Variants in TRMT11 observed in about 807,000 individuals in gnomAD.
TRMT11 encodes the protein tRNA methyltransferase 11.
TRMT11 carries 53 observed loss-of-function variants against 62.8 expected under a neutral mutation model. The ratio of observed to expected loss-of-function variants is 0.84; its 90% CI spans 0.68 to 1.06. The LOEUF (loss-of-function observed/expected upper bound fraction) is 1.06, where lower values mean the gene tolerates loss of function less well. Among genes scored for constraint, TRMT11 ranks in the 50% least tolerant of loss-of-function variants. The probability of loss-of-function intolerance (pLI) is 0.00; values close to 1 mark genes in which losing one functional copy is unlikely to be tolerated. For synonymous variants in TRMT11, 188 were observed against 190.3 expected, an observed-to-expected ratio of 0.99 and a Z score of 0.10; for missense variants, 556 against 553.4, an observed-to-expected ratio of 1.00 and a Z score of -0.05.
At chr6:126,125,637 T>C (rs1777708817) in intron 21 of TRMT11, among the ~76,000 whole-genome samples, 1 of 152,104 alleles carries the variant, frequency 6.6e-6, no homozygotes, top group Admixed American at 6.6e-5. Context: ...AAGGAACTTA[T>C]GATATAGTGG....
chr6:125,999,973 CA>C (rs1279972473), intron 7 of TRMT11, among the ~76,000 whole-genome samples: 2 of 151,794 alleles, frequency 1.3e-5, no homozygotes, highest in Non-Finnish European at 2.9e-5. Context: ...ATGACAAGAT[CA>C]AAAAAATGTA....
intron 17 of TRMT11, among the ~76,000 whole-genome samples, chr6:126,082,700 A>G (rs1348016800): frequency 6.6e-6 from 1 of 152,196 alleles, no homozygotes; most frequent in Non-Finnish European, 1.5e-5. Flanking sequence ...TCAAATTTAT[A>G]AAAGGGACTT....
At chr6:126,100,447 C>T (rs1010372704) in intron 17 of TRMT11, among the ~76,000 whole-genome samples, 2 of 152,074 alleles carry the variant, frequency 1.3e-5, no homozygotes, top group Non-Finnish European at 2.9e-5. Context: ...ATTCTTAGCT[C>T]GTTATTGTGT....
chr6:126,051,803 T>C (rs1241568189), intron 16 of TRMT11, among the ~76,000 whole-genome samples: 2 of 152,086 alleles, frequency 1.3e-5, no homozygotes, highest in Non-Finnish European at 2.9e-5. Context: ...GAGGAGCCTA[T>C]GGTACAAGCA....
At chr6:126,180,920 A>G (rs536983859) in intron 1 of TRMT11, among the ~76,000 whole-genome samples, 1 of 152,348 alleles carries the variant, frequency 6.6e-6, no homozygotes, top group South Asian at 2.1e-4. Context: ...CCTGAGCAGT[A>G]AAATCTTTTG....
In TRMT11 at chr6:126,132,363, T is replaced by G. The variant is rs78942495; in HGVS notation, c.*1823+16508T>G. On this transcript the variant is annotated intron_variant and NMD_transcript_variant, in intron 21 of 22. Coordinates refer to the TRMT11 transcript ENST00000648977. Reference sequence around the variant, plus strand: ...GTCACCTGCATCTAGTAGATGCATTTTGGAATATCCCAAGAAAGTGAAAAT... The same window carrying G: ...GTCACCTGCATCTAGTAGATGCATTGTGGAATATCCCAAGAAAGTGAAAAT... Among the ~76,000 whole-genome samples the G allele has an allele frequency of 1.9e-3, 292 of 152,142 alleles. 1 individual carries two copies. The highest frequency in any genetic ancestry group is 6.8e-3 in the African/African-American group (281 of 41,546).
intron 17 of TRMT11, among the ~76,000 whole-genome samples, chr6:126,066,431 C>T (rs1683522222): frequency 6.6e-6 from 1 of 152,184 alleles, no homozygotes. Context: ...GAAGGGCGCT[C>T]TTTGTTATGT....
intron 2 of TRMT11, among the ~76,000 whole-genome samples, chr6:126,199,245 C>T (rs890467644): frequency 7.2e-5 from 11 of 152,190 alleles, no homozygotes; most frequent in African/African-American, 2.7e-4. Context: ...TCATGAGCAC[C>T]TGCTTTATAC....
At chr6:126,055,444 A>G (rs909956726) in intron 17 of TRMT11, among the ~76,000 whole-genome samples, 2 of 152,242 alleles carry the variant, frequency 1.3e-5, no homozygotes, top group African/African-American at 4.8e-5. Context: ...TCAGATGAAT[A>G]AAAGATACAT....
At chr6:126,178,220 G>GA (rs1778412388) in intron 1 of TRMT11, among the ~76,000 whole-genome samples, 1 of 152,136 alleles carries the variant, frequency 6.6e-6, no homozygotes, top group South Asian at 2.1e-4. Flanking sequence ...ACCCTTCAAG[G>GA]AAAGAGTTGT....
At chr6:126,006,294 C>T (rs1002913956) in intron 7 of TRMT11, among the ~76,000 whole-genome samples, 4 of 151,624 alleles carry the variant, frequency 2.6e-5, no homozygotes, top group Non-Finnish European at 4.4e-5. Context: ...ATTTTTCTTT[C>T]TTTTTTTTCT....
chr6:126,257,797 G>A, the TRMT11 span: 1 of 680,534 alleles, frequency 1.5e-6, no homozygotes, highest in South Asian at 1.6e-5. Context: ...AAAACGAAGG[G>A]GGCAGGGGAA....
chr6:126,264,690 C>A, the TRMT11 span, among the ~76,000 whole-genome samples: 1 of 152,178 alleles, frequency 6.6e-6, no homozygotes, highest in Non-Finnish European at 1.5e-5. Context: ...ACTTAACCAT[C>A]CCTAAGCAAG....
the TRMT11 span, among the ~76,000 whole-genome samples, chr6:126,221,378 C>G: frequency 6.6e-6 from 1 of 151,940 alleles, no homozygotes; most frequent in East Asian, 1.9e-4. Context: ...CCCATCAGCA[C>G]CAAATCAGCA....
rs1483189635 is a variant in TRMT11, at chr6:126,093,625, A to ATTTTT, written c.*1438-19240_*1438-19239insTTTTT. Among the ~76,000 whole-genome samples, 97 of 103,510 alleles carry ATTTTT rather than the reference A, an allele frequency of 9.4e-4. 7 individuals carry two copies. Among genetic ancestry groups the ATTTTT allele is most frequent in the African/African-American group, 4.5e-3 (93 of 20,844 alleles). The allele number at this position is 103,510 out of a possible 152,430, so 67.9% of individuals were successfully genotyped here. ...TATATATATATATATATATATATATATATATATTTTCCCCCAGTCCTGGAG... is the reference window on the plus strand; with the variant it reads ...TATATATATATATATATATATATATATTTTTTATATATTTTCCCCCAGTCCTGGAG... On this transcript the variant is annotated intron_variant and NMD_transcript_variant, in intron 17 of 22. Coordinates refer to the TRMT11 transcript ENST00000648977.
At chr6:126,066,253 A>G (rs1430292665) in intron 17 of TRMT11, among the ~76,000 whole-genome samples, 2 of 152,180 alleles carry the variant, frequency 1.3e-5, no homozygotes, top group African/African-American at 2.4e-5. Flanking sequence ...CTGTGAGTGA[A>G]TCACAAGTCC....
chr6:126,204,410 C>T (rs1207059558), downstream of TRMT11, among the ~76,000 whole-genome samples: 1 of 152,216 alleles, frequency 6.6e-6, no homozygotes, highest in Non-Finnish European at 1.5e-5. Flanking sequence ...CTATGACTCT[C>T]TCACACCATG....
chr6:126,028,220 A>G (rs1176160905), intron 12 of TRMT11, among the ~76,000 whole-genome samples: 1 of 152,096 alleles, frequency 6.6e-6, no homozygotes, highest in East Asian at 1.9e-4. Context: ...TAGAGGTATA[A>G]AAGATTAGAG....
chr6:126,174,019 A>G (rs553491440), upstream of TRMT11, among the ~76,000 whole-genome samples: 27 of 152,294 alleles, frequency 1.8e-4, 3 homozygotes, highest in South Asian at 5.0e-3. Flanking sequence ...GTGTGTTCCT[A>G]GGAGCTTGCT....
Sources: allele counts gnomAD v4.1 joint callset (sites outside exome capture counted in the v4.1 genomes callset), GRCh38; gene constraint gnomAD v4.1.1; transcripts MANE v1.5; gene names NCBI Gene and HGNC (gene_info 2026-07-23, HGNC 2026-07-21).